The following ADCY9 variants were observed in gnomAD, a reference collection of about 807,000 sequenced individuals.
ADCY9 encodes adenylate cyclase type 9.
ADCY9 carries 50 observed loss-of-function variants against 101.5 expected under a neutral mutation model. That is an observed-to-expected ratio of 0.49 (90% confidence interval 0.39 to 0.62). The LOEUF (loss-of-function observed/expected upper bound fraction) is 0.62, where lower values mean the gene tolerates loss of function less well. Among genes scored for constraint, ADCY9 ranks in the 20% least tolerant of loss-of-function variants. The pLI, the probability that ADCY9 is intolerant of heterozygous loss-of-function variation, is 0.00. For missense variants in ADCY9, 1,662 were observed against 1,800.4 expected (o/e 0.92, Z 1.39); for synonymous variants, 905 against 769.3 (o/e 1.18, Z -2.92).
Position 4,086,919 on chromosome 16 carries a change from C to T in ADCY9, c.1693+26831G>A, listed in dbSNP as rs146628630. Reference sequence around the variant, plus strand: ...AGGTGATCCGCCCACCTAGGCCTCCCAGAGTGCTGGAATTACAGGCGTGAG... The same window carrying T: ...AGGTGATCCGCCCACCTAGGCCTCCTAGAGTGCTGGAATTACAGGCGTGAG... On this transcript the variant is annotated intron_variant, in intron 2 of 10. Coordinates refer to ENST00000294016, the MANE Select transcript of ADCY9 (RefSeq NM_001116.4). Among the ~76,000 whole-genome samples, 154 of 152,210 alleles carry T rather than the reference C, an allele frequency of 1.0e-3. 2 individuals carry two copies. In the East Asian group the frequency reaches 0.027, roughly 26 times the overall value.
rs149076584 is a variant in ADCY9 at position 3,993,333 on chromosome 16, A to G, written c.1989+73T>C. 6.8e-4 allele frequency: 1,082 copies of G among 1,589,830 alleles called. 5 individuals carry two copies. The African/African-American group carries it at 0.01, about 15-fold the overall frequency. On this transcript the variant is annotated intron_variant, in intron 4 of 10. Transcript: ENST00000294016. ...TTACTCTCAGAACTAAGAAGTCGACAAGACAGGAATGTCACCTTGGGTGGA... is the reference window on the plus strand; with the variant it reads ...TTACTCTCAGAACTAAGAAGTCGACGAGACAGGAATGTCACCTTGGGTGGA...
rs1178751369 is a variant in ADCY9 at position 4,115,633 on chromosome 16, TCCCACCGCC to T, written c.-44+48_-44+56del. 22 of 682,328 alleles carry T rather than the reference TCCCACCGCC, an allele frequency of 3.2e-5. No individual in the cohort carries two copies. Among genetic ancestry groups the T allele is most frequent in the Admixed American group, 1.6e-4 (5 of 31,936 alleles). The allele number at this position is 682,328 out of a possible 1,614,324, so 42.3% of individuals were successfully genotyped here. On this transcript the variant is annotated intron_variant, in intron 1 of 10. Transcript: ENST00000294016. The surrounding 1 kb of genome is among the most constrained non-coding windows in gnomAD (Gnocchi z 6.2). ...CCTGTGGTTCCCGGCTCAGCGGTGC[TCCCACCGCC>T]CCCACCGCCCCCACCTTCGAGGCGC...
At chr16:3,993,133 G>A (rs368741192) in intron 4 of ADCY9, among the ~76,000 whole-genome samples, 17 of 152,016 alleles carry the variant, frequency 1.1e-4, no homozygotes, top group African/African-American at 3.1e-4. Context: ...ATCCCCTCCC[G>A]GCACTCGAAT....
intron 2 of ADCY9, among the ~76,000 whole-genome samples, chr16:4,010,569 C>T (rs1469274879): frequency 6.6e-6 from 1 of 152,158 alleles, no homozygotes; most frequent in Non-Finnish European, 1.5e-5. Flanking sequence ...GGTGCAGGGA[C>T]GATGTGTGAC....
intron 2 of ADCY9, among the ~76,000 whole-genome samples, chr16:4,055,641 G>A (rs1366355922): frequency 6.6e-6 from 1 of 151,960 alleles, no homozygotes; most frequent in Non-Finnish European, 1.5e-5. Context: ...AGACCATCCC[G>A]GCTAACACGG....
intron 2 of ADCY9, among the ~76,000 whole-genome samples, chr16:4,022,107 G>A (rs1018896096): frequency 2.0e-5 from 3 of 152,254 alleles, no homozygotes; most frequent in Non-Finnish European, 4.4e-5. Context: ...GGGTGGCACC[G>A]GAGCCTCCAT....
At chr16:4,003,067 A>G (rs2056341793) in intron 3 of ADCY9, among the ~76,000 whole-genome samples, 1 of 152,132 alleles carries the variant, frequency 6.6e-6, no homozygotes, top group Non-Finnish European at 1.5e-5. Flanking sequence ...TTATTGATAT[A>G]TGGCATCTAG....
At chr16:4,018,614 C>A (rs2056454179) in intron 2 of ADCY9, among the ~76,000 whole-genome samples, 1 of 152,212 alleles carries the variant, frequency 6.6e-6, no homozygotes, top group Non-Finnish European at 1.5e-5. Context: ...CTGGCTCTCT[C>A]CCAGATCGTA....
Position 4,097,487 on chromosome 16 carries a change from T to TATATATACACACAC in ADCY9, c.1693+16262_1693+16263insGTGTGTGTATATAT, listed in dbSNP as rs76750792. Among the ~76,000 whole-genome samples, 325 of 72,398 alleles carry TATATATACACACAC rather than the reference T, an allele frequency of 4.5e-3. 1 individual carries two copies. The highest frequency in any genetic ancestry group is 0.01 in the Middle Eastern group (1 of 98). The allele number at this position is 72,398 out of a possible 152,430, so 47.5% of individuals were successfully genotyped here. On this transcript the variant is annotated intron_variant, in intron 2 of 10. Coordinates refer to ENST00000294016, the MANE Select transcript of ADCY9 (RefSeq NM_001116.4). ...ATATATATATATATATATATATATA[T>TATATATACACACAC]ACACACACACACACTATATATATGT...
chr16:4,031,022 A>C (rs2056551817), intron 2 of ADCY9, among the ~76,000 whole-genome samples: 1 of 152,234 alleles, frequency 6.6e-6, no homozygotes. Flanking sequence ...AGTAAAGAAA[A>C]AAAAATGTGC....
At position 4,086,600 on chromosome 16, in the gene ADCY9, T is replaced by C. The variant is rs148636134; in HGVS notation, c.1693+27150A>G. On this transcript the variant is annotated intron_variant, in intron 2 of 10. Coordinates refer to ENST00000294016, the MANE Select transcript of ADCY9 (RefSeq NM_001116.4). ...GCTCACTCTCAGCACCAGTACAAAA[T>C]GTAGATTTTATCCATTAATACTTCC... Among the ~76,000 whole-genome samples the C allele has an allele frequency of 4.3e-4, 66 of 152,176 alleles. 1 individual carries two copies. The highest frequency in any genetic ancestry group is 6.8e-3 in the Middle Eastern group (2 of 292).
chr16:3,963,433 G>A lies in ADCY9; in HGVS notation c.*2342C>T. 2.5e-6 allele frequency: 1 copy of A among 398,200 alleles called. No individual in the cohort carries two copies. The highest frequency in any genetic ancestry group is 4.4e-6 in the Non-Finnish European group (1 of 225,612). 24.7% of individuals were successfully genotyped at this position (398,200 alleles called of 1,614,324 possible). A position where few individuals can be genotyped will look rare whatever the true frequency, so the allele number is the denominator to read the frequency against. The stretch of plus-strand genomic sequence containing the variant: ...GGTATGCATCGGAGCAGGGGACGGG[G>A]AGGACCCGAGGGGCTTCGTGGCCCA... On this transcript the variant is annotated 3_prime_UTR_variant, in exon 11 of 11. Transcript: ENST00000294016.
intron 2 of ADCY9, among the ~76,000 whole-genome samples, chr16:4,060,649 G>T (rs914640174): frequency 2.6e-5 from 4 of 152,056 alleles, no homozygotes; most frequent in African/African-American, 7.2e-5. Context: ...AAAATGAGCA[G>T]GATCATCAGC....
intron 2 of ADCY9, among the ~76,000 whole-genome samples, chr16:4,037,535 T>C (rs2056598048): frequency 6.6e-6 from 1 of 152,164 alleles, no homozygotes; most frequent in African/African-American, 2.4e-5. Flanking sequence ...AGTGCAGGTA[T>C]CCCTTTGATA....
At chr16:4,095,597 C>T (rs1473643060) in intron 2 of ADCY9, among the ~76,000 whole-genome samples, 3 of 152,170 alleles carry the variant, frequency 2.0e-5, no homozygotes, top group Non-Finnish European at 2.9e-5. Context: ...CACATGGGAA[C>T]TGAAGCACAT....
intron 10 of ADCY9, among the ~76,000 whole-genome samples, chr16:3,971,918 C>A (rs1279343742): frequency 3.3e-5 from 5 of 152,150 alleles, no homozygotes; most frequent in South Asian, 4.1e-4. Context: ...TCGAGACGGG[C>A]GCAGGCCAGG....
chr16:4,092,891 C>T (rs889904050), intron 2 of ADCY9, among the ~76,000 whole-genome samples: 6 of 152,076 alleles, frequency 3.9e-5, no homozygotes, highest in Non-Finnish European at 5.9e-5. Context: ...GGAAAGCACA[C>T]CAACAGCTAC....
intron 2 of ADCY9, among the ~76,000 whole-genome samples, chr16:4,057,152 T>C (rs2056745436): frequency 6.6e-6 from 1 of 152,056 alleles, no homozygotes; most frequent in African/African-American, 2.4e-5. Flanking sequence ...TTTAGGTTTT[T>C]GTTTAAAGAG....
Position 3,966,513 on chromosome 16 carries a change from C to T in ADCY9, c.3324G>A (p.Lys1108=), listed in dbSNP as rs528692778. 6.2e-7 allele frequency: 1 copy of T among 1,614,192 alleles called. No individual in the cohort carries two copies. The highest frequency in any genetic ancestry group is 2.2e-5 in the East Asian group (1 of 44,888). ...KPDYSSIEKI[K]TIGATYMAAS... is the part of the protein sequence containing the mutation. ...CCGCCATGTACGTGGCTCCGATGGT[C>T]TTGATCTTCTCGATGCTGCTGTAGT... is the stretch of plus-strand genomic sequence containing the variant. Residue 1108 remains lysine (K), a synonymous_variant, in exon 11 of 11, where the codon AAG becomes AAA. Coordinates refer to ENST00000294016, the MANE Select transcript of ADCY9 (RefSeq NM_001116.4).
Sources: allele counts gnomAD v4.1 joint callset (sites outside exome capture counted in the v4.1 genomes callset), GRCh38; gene constraint gnomAD v4.1.1; non-coding constraint Gnocchi (gnomAD v3.1); transcripts MANE v1.5; gene names NCBI Gene and HGNC (gene_info 2026-07-23, HGNC 2026-07-21).